The following TRIM47 variants were observed in gnomAD, a reference collection of about 807,000 sequenced individuals.
TRIM47 encodes the protein tripartite motif containing 47.
Under a neutral mutation model 54.4 loss-of-function variants are expected in TRIM47, and 46 were observed. The observed-to-expected ratio is 0.84, with a 90% CI of 0.67 to 1.08. The LOEUF (loss-of-function observed/expected upper bound fraction) is 1.08. Ranked by LOEUF, TRIM47 falls within the 50% of genes least tolerant of loss-of-function variation. The pLI, the probability that TRIM47 is intolerant of heterozygous loss-of-function variation, is 0.00. For synonymous variants in TRIM47, 392 were observed against 410.2 expected (o/e 0.96, Z 0.54); for missense variants, 825 against 910.1 (o/e 0.91, Z 1.20).
rs1283078050 is a variant in TRIM47 at position 75,875,921 on chromosome 17, G to A, written c.1181C>T (p.Pro394Leu). ...LRGPGGNEDG[P>L]QKLDSEADAE... is the part of the protein sequence containing the mutation. ...CCCACCTTCCGAGTCCAGCTTCTGT[G>A]GCCCATCCTCGTTGCCACCCGGCCC... is the stretch of plus-strand genomic sequence containing the variant. Residue 394 changes from proline (P) to leucine (L), a missense_variant, in exon 4 of 6, where the codon CCA becomes CTA. Pro to Leu is a moderately conservative substitution (Grantham distance 98, BLOSUM62 -3). Transcript: ENST00000254816. This position sits in a 1 kb window ranked among gnomAD's most constrained non-coding sequence, Gnocchi z 6.1. 2 of 1,612,086 alleles carry A rather than the reference G, an allele frequency of 1.2e-6. No individual in the cohort carries two copies. Among genetic ancestry groups the A allele is most frequent in the Admixed American group, 1.7e-5 (1 of 59,984 alleles).
At position 75,874,884 on chromosome 17, in the gene TRIM47, C is replaced by G; in HGVS notation, c.1516G>C (p.Glu506Gln). 5 of 1,614,162 alleles carry G rather than the reference C, an allele frequency of 3.1e-6. No individual in the cohort carries two copies. Among genetic ancestry groups the G allele is most frequent in the Non-Finnish European group, 4.2e-6 (5 of 1,180,014 alleles). Residue 506 changes from glutamate to glutamine, a missense_variant, in exon 6 of 6, where the codon GAG becomes CAG. By Grantham distance (29) the Glu-to-Gln change is conservative. Transcript: ENST00000254816. This position sits in a 1 kb window ranked among gnomAD's most constrained non-coding sequence, Gnocchi z 6.2. ...GVMAEDFSPQ[E>Q]PYDRGRLGRN... ...CCCAGCCGGCCGCGGTCGTAGGGCTCTTGTGGGGAGAAGTCTTCGGCCATG... is the reference window on the plus strand; with the variant it reads ...CCCAGCCGGCCGCGGTCGTAGGGCTGTTGTGGGGAGAAGTCTTCGGCCATG...
chr17:75,876,483 C>A lies in TRIM47; in HGVS notation c.781G>T (p.Val261Leu). 1 of 1,604,468 alleles carries A rather than the reference C, an allele frequency of 6.2e-7. No homozygotes were observed. Among genetic ancestry groups the A allele is most frequent in the Non-Finnish European group, 8.5e-7 (1 of 1,177,816 alleles). ...RTVALIKSAAVAERERVSRLF... is the reference protein window; with the variant it reads ...RTVALIKSAALAERERVSRLF... ...CGGCTCACCCTCTCCCGCTCTGCTACGGCTGCACTCTGCACAGGACGACAG... is the reference window on the plus strand; with the variant it reads ...CGGCTCACCCTCTCCCGCTCTGCTAAGGCTGCACTCTGCACAGGACGACAG... The change falls in exon 3 of 6, where the codon GTA becomes TTA. Residue 261 changes from valine to leucine, a missense_variant. By Grantham distance (32) the Val-to-Leu change is conservative (BLOSUM62 1). Coordinates refer to ENST00000254816, the MANE Select transcript of TRIM47 (RefSeq NM_033452.3).
At chr17:75,877,679 C>T (rs1301537040) in intron 1 of TRIM47, 195 bp downstream of exon 1, 1 of 1,233,404 alleles carries the variant, frequency 8.1e-7, no homozygotes, top group Admixed American at 4.2e-5. Flanking sequence ...TCTCACGTCC[C>T]TCCTTCCTCC....
rs776802544 is a variant in TRIM47, at chr17:75,874,933, G to A, written c.1467C>T (p.Ile489=). Residue 489 remains isoleucine (I), a synonymous_variant, in exon 6 of 6, where the codon ATC becomes ATT. Coordinates refer to ENST00000254816, the MANE Select transcript of TRIM47 (RefSeq NM_033452.3). The surrounding 1 kb of genome is among the most constrained non-coding windows in gnomAD (Gnocchi z 6.2). ...TGACCCCCATGCTGACCCAGCCCTCGATAATCTCCACCTCCCAGTAGTAGG... is the reference window on the plus strand; with the variant it reads ...TGACCCCCATGCTGACCCAGCCCTCAATAATCTCCACCTCCCAGTAGTAGG... The part of the protein sequence containing the change: ...RGTYYWEVEI[I]EGWVSMGVMA... 3.7e-6 allele frequency: 6 copies of A among 1,614,054 alleles called. No individual in the cohort carries two copies. The highest frequency in any genetic ancestry group is 4.5e-5 in the East Asian group (2 of 44,858).
Position 75,877,034 on chromosome 17 carries a change from T to A in TRIM47, c.676-221A>T. 7.0e-6 allele frequency: 4 copies of A among 572,380 alleles called. No homozygotes were observed. In the South Asian group the frequency reaches 8.3e-5, roughly 12 times the overall value. 35.5% of individuals were successfully genotyped at this position (572,380 alleles called of 1,614,324 possible). ...CTGGGGGGCGTGCAGGCTGACTGGG[T>A]GTCTGCCTCGGGTCTCTGACAGGAG... On this transcript the variant is annotated intron_variant, in intron 1 of 5. Coordinates refer to ENST00000254816, the MANE Select transcript of TRIM47 (RefSeq NM_033452.3).
In TRIM47 at chr17:75,874,823, C is replaced by T; in HGVS notation, c.1577G>A (p.Gly526Glu). 1 of 1,614,146 alleles carries T rather than the reference C, an allele frequency of 6.2e-7. No individual in the cohort carries two copies. Among genetic ancestry groups the T allele is most frequent in the Non-Finnish European group, 8.5e-7 (1 of 1,180,034 alleles). Residue 526 changes from glycine (G) to glutamate (E), a missense_variant, in exon 6 of 6, where the codon GGA becomes GAA. Transcript: ENST00000254816. This position sits in a 1 kb window ranked among gnomAD's most constrained non-coding sequence, Gnocchi z 6.2. ...NAHSCCLQWNGRSFSVWFHGL... is the reference protein window; with the variant it reads ...NAHSCCLQWNERSFSVWFHGL... ...ATGAAACCAGACGGAGAAGCTGCGT[C>T]CATTCCACTGCAGGCAGCAGGAGTG... is the stretch of plus-strand genomic sequence containing the variant.
In TRIM47 at chr17:75,878,429, A is replaced by G. The variant is rs1420145812; in HGVS notation, c.120T>C (p.Arg40=). Residue 40 remains arginine (R), a synonymous_variant, in exon 1 of 6, where the codon CGT becomes CGC. Coordinates refer to ENST00000254816, the MANE Select transcript of TRIM47 (RefSeq NM_033452.3). ...CGGGTCCGCCGGCTCCACTCGCGCC[A>G]CGATGCGGCCAGAGCGCGCCCAGGC... ...LACLGALWPH[R]GASGAGGPGG... 1 of 1,430,420 alleles carries G rather than the reference A, an allele frequency of 7.0e-7. No homozygotes were observed. The highest frequency in any genetic ancestry group is 9.2e-7 in the Non-Finnish European group (1 of 1,083,052). The allele number at this position is 1,430,420 out of a possible 1,614,324, so 88.6% of individuals were successfully genotyped here.
intron 1 of TRIM47, chr17:75,877,148 G>A: frequency 2.9e-6 from 1 of 343,742 alleles, no homozygotes; most frequent in Non-Finnish European, 5.5e-6. Context: ...GAGTAAGCCA[G>A]TTAGGTTGGG....
intron 1 of TRIM47, 195 bp from the exon 2 acceptor site, chr17:75,877,008 C>T: frequency 1.7e-6 from 1 of 600,498 alleles, no homozygotes; most frequent in Non-Finnish European, 2.9e-6. Flanking sequence ...TTCCTGAACG[C>T]CTGGGGGGCG....
rs754784972 is a variant in TRIM47 at position 75,876,485 on chromosome 17, G to A, written c.779C>T (p.Ala260Val). The change falls in exon 3 of 6, where the codon GCC becomes GTC. Residue 260 changes from alanine (A) to valine (V), a missense_variant. Ala to Val is a moderately conservative substitution (Grantham distance 64, BLOSUM62 0). Transcript: ENST00000254816. ...RRTVALIKSA[A>V]VAERERVSRL... ...GCTCACCCTCTCCCGCTCTGCTACG[G>A]CTGCACTCTGCACAGGACGACAGTA... 1.7e-5 allele frequency: 27 copies of A among 1,603,272 alleles called. No homozygotes were observed. In the East Asian group the frequency reaches 5.8e-4, roughly 35 times the overall value.
rs765605882 is a variant in TRIM47, at chr17:75,876,766, C to A, written c.723G>T (p.Glu241Asp). Reference protein sequence around the residue: ...VLSAVEDRMDELGAGIAQSRR... With the variant: ...VLSAVEDRMDDLGAGIAQSRR... ...TGGACTGTGCAATGCCAGCACCCAGCTCGTCCATGCGGTCCTCCACGGCGC... is the reference window on the plus strand; with the variant it reads ...TGGACTGTGCAATGCCAGCACCCAGATCGTCCATGCGGTCCTCCACGGCGC... The change falls in exon 2 of 6, where the codon GAG (glutamate) becomes GAT (aspartate). Residue 241 changes from glutamate to aspartate, a missense_variant. Physicochemically the swap from Glu to Asp is conservative, Grantham distance 45. Coordinates refer to ENST00000254816, the MANE Select transcript of TRIM47 (RefSeq NM_033452.3). The A allele has an allele frequency of 1.9e-6, 3 of 1,614,216 alleles. No individual in the cohort carries two copies. The Admixed American group carries it at 5.0e-5, about 27-fold the overall frequency.
rs2065145132 is a variant in TRIM47 at position 75,877,912 on chromosome 17, C to T, written c.637G>A (p.Glu213Lys). The T allele has an allele frequency of 2.1e-6, 3 of 1,424,202 alleles. No individual in the cohort carries two copies. The highest frequency in any genetic ancestry group is 3.0e-5 in the East Asian group (1 of 33,186). The allele number at this position is 1,424,202 out of a possible 1,614,324, so 88.2% of individuals were successfully genotyped here. The part of the protein sequence containing the change: ...ACAAQEHRGH[E>K]LVPLEQERAL... ...CGCTCCTGCTCCAGCGGCACCAGCTCGTGGCCGCGGTGCTCCTGTGCGGCG... is the reference window on the plus strand; with the variant it reads ...CGCTCCTGCTCCAGCGGCACCAGCTTGTGGCCGCGGTGCTCCTGTGCGGCG... Residue 213 changes from glutamate (E) to lysine (K), a missense_variant, in exon 1 of 6, where the codon GAG (glutamate) becomes AAG (lysine). Transcript: ENST00000254816.
chr17:75,877,499 T>C, intron 1 of TRIM47: 1 of 282,764 alleles, frequency 3.5e-6, no homozygotes, highest in Non-Finnish European at 6.1e-6. Flanking sequence ...CGAAAGCTGC[T>C]GCCTCAGCCC....
rs2065121476 is a variant in TRIM47 at position 75,874,687 on chromosome 17, G to A, written c.1713C>T (p.Leu571=). The change falls in exon 6 of 6, where the codon CTC becomes CTT. Residue 571 remains leucine, a synonymous_variant. Coordinates refer to ENST00000254816, the MANE Select transcript of TRIM47 (RefSeq NM_033452.3). This position sits in a 1 kb window ranked among gnomAD's most constrained non-coding sequence, Gnocchi z 6.2. ...FYAVRDGKMS[L]LRRLKASRPR... is the part of the protein sequence containing the mutation. ...GCCGGGAGGCCTTCAGCCTCCGCAG[G>A]AGGCTCATCTTGCCGTCCCGTACAG... The A allele has an allele frequency of 6.2e-7, 1 of 1,608,406 alleles. No individual in the cohort carries two copies. Among genetic ancestry groups the A allele is most frequent in the South Asian group, 1.1e-5 (1 of 90,884 alleles).
chr17:75,877,888 G>A lies in TRIM47; in HGVS notation c.661C>T (p.Arg221Cys). The A allele has an allele frequency of 7.3e-7, 1 of 1,373,378 alleles. No individual in the cohort carries two copies. 85.1% of individuals were successfully genotyped at this position (1,373,378 alleles called of 1,614,324 possible). The change falls in exon 1 of 6, where the codon CGC (arginine) becomes TGC (cysteine). Residue 221 changes from arginine (R) to cysteine (C), a missense_variant. Transcript: ENST00000254816. ...CCGGAGCCCACCTCCTGAAGCGCGC[G>A]CTCCTGCTCCAGCGGCACCAGCTCG... is the stretch of plus-strand genomic sequence containing the variant. Reference protein sequence around the residue: ...GHELVPLEQERALQEAEQSKV... With the variant: ...GHELVPLEQECALQEAEQSKV...
In TRIM47 at chr17:75,875,119, G is replaced by A. The variant is rs775478372; in HGVS notation, c.1281C>T (p.Ala427=). 2 of 1,591,696 alleles carry A rather than the reference G, an allele frequency of 1.3e-6. No homozygotes were observed. The highest frequency in any genetic ancestry group is 2.2e-5 in the East Asian group (1 of 44,522). Residue 427 remains alanine, a synonymous_variant, in exon 6 of 6, where the codon GCC becomes GCT. Coordinates refer to ENST00000254816, the MANE Select transcript of TRIM47 (RefSeq NM_033452.3). The surrounding 1 kb of genome is among the most constrained non-coding windows in gnomAD (Gnocchi z 6.1). The stretch of plus-strand genomic sequence containing the variant: ...TGTCGCTGTCCAAATCCACAATATA[G>A]GCAACTGATCCCGTGGACAGAAGAG... ...EAPRDYFLKF[A]YIVDLDSDTA... is the part of the protein sequence containing the mutation.
chr17:75,878,371 G>A lies in TRIM47; in HGVS notation c.178C>T (p.Pro60Ser), dbSNP rs1385279675. 2.7e-5 allele frequency: 38 copies of A among 1,397,996 alleles called. No homozygotes were observed. Among genetic ancestry groups the A allele is most frequent in the Non-Finnish European group, 3.5e-5 (37 of 1,069,898 alleles). The allele number at this position is 1,397,996 out of a possible 1,614,324, so 86.6% of individuals were successfully genotyped here. Residue 60 changes from proline (P) to serine (S), a missense_variant, in exon 1 of 6, where the codon CCC (proline) becomes TCC (serine). Pro to Ser is a moderately conservative substitution (Grantham distance 74). Coordinates refer to ENST00000254816, the MANE Select transcript of TRIM47 (RefSeq NM_033452.3). ...GAARCPLCQEPFPDGLQLRKN... is the reference protein window; with the variant it reads ...GAARCPLCQESFPDGLQLRKN... ...CGGAGCTGAAGGCCGTCGGGGAAGG[G>A]CTCCTGGCACAGCGGGCAGCGGGCC... is the stretch of plus-strand genomic sequence containing the variant.
rs751247026 is a variant in TRIM47 at position 75,876,065 on chromosome 17, C to G, written c.1037G>C (p.Gly346Ala). The change falls in exon 4 of 6, where the codon GGG (glycine) becomes GCG (alanine). Residue 346 changes from glycine (G) to alanine (A), a missense_variant. Physicochemically the swap from Gly to Ala is moderately conservative, Grantham distance 60. Transcript: ENST00000254816. ...LLALRLALED[G>A]CGPGPGPPRE... ...CGGGGGTCCAGGCCCAGGGCCACAC[C>G]CATCCTCCAGGGCCAGCCTTAGTGC... The G allele has an allele frequency of 3.1e-6, 5 of 1,601,776 alleles. No individual in the cohort carries two copies. The African/African-American group carries it at 6.7e-5, about 21-fold the overall frequency.
At position 75,878,552 on chromosome 17, in the gene TRIM47, T is replaced by G; in HGVS notation, c.-4A>C. The G allele has an allele frequency of 7.8e-7, 1 of 1,275,112 alleles. No homozygotes were observed. Among genetic ancestry groups the G allele is most frequent in the Non-Finnish European group, 9.9e-7 (1 of 1,005,272 alleles). The allele number at this position is 1,275,112 out of a possible 1,614,324, so 79.0% of individuals were successfully genotyped here. On this transcript the variant is annotated 5_prime_UTR_variant, in exon 1 of 6. Coordinates refer to ENST00000254816, the MANE Select transcript of TRIM47 (RefSeq NM_033452.3). ...TGAAGGGTCCACTGCCGTCCATGACTCCGCGGCCGCCCAGGGCGCCGCCGA... is the reference window on the plus strand; with the variant it reads ...TGAAGGGTCCACTGCCGTCCATGACGCCGCGGCCGCCCAGGGCGCCGCCGA...
Sources: gnomAD v4.1 joint callset for allele counts on GRCh38, gnomAD v4.1.1 for gene constraint, Gnocchi (gnomAD v3.1) non-coding constraint, MANE v1.5 for transcripts, NCBI Gene and HGNC (gene_info 2026-07-23, HGNC 2026-07-21) for gene names.